NT5DC1: variants seen among roughly 807,000 people sequenced by gnomAD.
NT5DC1 encodes 5'-nucleotidase domain containing 1, also known as 5'-nucleotidase domain-containing protein 1.
In NT5DC1, 42 loss-of-function variants were observed where a neutral mutation model predicts 59.4. That is an observed-to-expected ratio of 0.71 (90% CI 0.55 to 0.92). NT5DC1 has a LOEUF of 0.92. Among genes scored for constraint, NT5DC1 ranks in the 40% least tolerant of loss-of-function variants. The pLI is 0.00. For synonymous variants in NT5DC1, 172 were observed against 188.1 expected, an observed-to-expected ratio of 0.91 and a Z score of 0.70; for missense variants, 501 against 537.1, an observed-to-expected ratio of 0.93 and a Z score of 0.66.
rs1378977488 is a variant in NT5DC1, at chr6:116,239,035, T to C, written c.1164T>C (p.Asn388=). Residue 388 remains asparagine (N), a synonymous_variant, in exon 11 of 12, where the codon AAT becomes AAC. Transcript: ENST00000319550. ...TTGATTCAGTTTTGGGACTGGAAAATACAGAAGACTCCTTGGTTTATACAT... is the reference window on the plus strand; with the variant it reads ...TTGATTCAGTTTTGGGACTGGAAAACACAGAAGACTCCTTGGTTTATACAT... ...FFIDSVLGLE[N]TEDSLVYTWS... The C allele has an allele frequency of 6.2e-7, 1 of 1,607,536 alleles. No individual in the cohort carries two copies. The highest frequency in any genetic ancestry group is 8.5e-7 in the Non-Finnish European group (1 of 1,174,210).
chr6:116,243,871 A>G, intron 11 of NT5DC1, 38 bp from the exon 12 acceptor site: 1 of 753,966 alleles, frequency 1.3e-6, no homozygotes, highest in African/African-American at 1.8e-5. Flanking sequence ...AGGCATTCAG[A>G]GACCTGTGCA....
At chr6:116,182,892 A>G (rs1335517377) in intron 6 of NT5DC1, among the ~76,000 whole-genome samples, 1 of 151,690 alleles carries the variant, frequency 6.6e-6, no homozygotes, top group African/African-American at 2.4e-5. Context: ...AGTCCCATCT[A>G]TTTATCTTTG....
chr6:116,175,367 C>T (rs1780712589), intron 6 of NT5DC1, among the ~76,000 whole-genome samples: 2 of 152,078 alleles, frequency 1.3e-5, no homozygotes, highest in African/African-American at 4.8e-5. Context: ...TTTTATATTT[C>T]CTTTTTAATA....
At position 116,123,215 on chromosome 6, in the gene NT5DC1, A is replaced by C. The variant is rs190099354; in HGVS notation, c.529+5270A>C. On this transcript the variant is annotated intron_variant, in intron 6 of 11. Coordinates refer to ENST00000319550, the MANE Select transcript of NT5DC1 (RefSeq NM_152729.3). Reference sequence around the variant, plus strand: ...TACTATTAAAAAGGAGAAACAAGTCAATGGAAATGAGTGCATTGGGCGTCA... The same window carrying C: ...TACTATTAAAAAGGAGAAACAAGTCCATGGAAATGAGTGCATTGGGCGTCA... 2.6e-3 allele frequency among the ~76,000 whole-genome samples: 396 copies of C among 152,298 alleles called. 10 individuals are homozygous for C. The South Asian group carries it at 0.043, about 17-fold the overall frequency.
chr6:116,102,900 C>G (rs923745609), intron 1 of NT5DC1, among the ~76,000 whole-genome samples: 2 of 152,226 alleles, frequency 1.3e-5, no homozygotes, highest in African/African-American at 2.4e-5. Context: ...CCAACAGTGC[C>G]TGGAGGGCCT....
chr6:116,144,695 G>A (rs1389298444), intron 6 of NT5DC1, among the ~76,000 whole-genome samples: 3 of 152,158 alleles, frequency 2.0e-5, no homozygotes, highest in Non-Finnish European at 2.9e-5. Flanking sequence ...TGGGACAACT[G>A]TTTGTTAGAC....
chr6:116,200,027 G>A (rs1204845), intron 6 of NT5DC1, among the ~76,000 whole-genome samples: 93,641 of 150,236 alleles, frequency 0.62, 31,021 homozygotes, highest in African/African-American at 0.86. Flanking sequence ...TTTGCAGTGG[G>A]GCAACCTGAC....
intron 6 of NT5DC1, among the ~76,000 whole-genome samples, chr6:116,207,247 A>G (rs1781472628): frequency 6.6e-6 from 1 of 151,982 alleles, no homozygotes; most frequent in East Asian, 1.9e-4. Context: ...CATATGTCTT[A>G]AGAAATCATG....
intron 6 of NT5DC1, among the ~76,000 whole-genome samples, chr6:116,122,870 T>C (rs956433340): frequency 1.3e-5 from 2 of 152,170 alleles, no homozygotes; most frequent in East Asian, 1.9e-4. Flanking sequence ...TTGATTAATA[T>C]AAATACATAG....
intron 6 of NT5DC1, among the ~76,000 whole-genome samples, chr6:116,178,992 T>C (rs1457542539): frequency 2.0e-5 from 3 of 152,232 alleles, no homozygotes; most frequent in African/African-American, 4.8e-5. Context: ...TCTATCCTCA[T>C]CTTCATAGTT....
chr6:116,189,223 A>G (rs1781068111), intron 6 of NT5DC1, among the ~76,000 whole-genome samples: 1 of 151,640 alleles, frequency 6.6e-6, no homozygotes, highest in South Asian at 2.1e-4. Context: ...TAAAAGTTTT[A>G]CTTCTATTTA....
At chr6:116,169,408 T>A (rs745315065) in intron 6 of NT5DC1, among the ~76,000 whole-genome samples, 34 of 152,236 alleles carry the variant, frequency 2.2e-4, no homozygotes, top group Non-Finnish European at 4.4e-4. Flanking sequence ...ATATTTTGTG[T>A]CTATGCTTAC....
chr6:116,112,700 A>C (rs1279802729), intron 4 of NT5DC1, among the ~76,000 whole-genome samples: 1 of 152,232 alleles, frequency 6.6e-6, no homozygotes, highest in Non-Finnish European at 1.5e-5. Flanking sequence ...TCACCATTAC[A>C]AACAAGCCTG....
chr6:116,150,847 A>G (rs1169196830), intron 6 of NT5DC1, among the ~76,000 whole-genome samples: 2 of 152,188 alleles, frequency 1.3e-5, no homozygotes, highest in African/African-American at 4.8e-5. Flanking sequence ...GAATTTGAGA[A>G]TGTCACATCA....
rs1367213917 is a variant in NT5DC1 at position 116,245,159 on chromosome 6, A to G, written c.*1135A>G. On this transcript the variant is annotated 3_prime_UTR_variant, in exon 12 of 12. Coordinates refer to ENST00000319550, the MANE Select transcript of NT5DC1 (RefSeq NM_152729.3). ...CTACAATCCAGGACTGTGGTGTTCTATGTGCCGTGTATGGTCATATTAGTA... is the reference window on the plus strand; with the variant it reads ...CTACAATCCAGGACTGTGGTGTTCTGTGTGCCGTGTATGGTCATATTAGTA... 2.0e-5 allele frequency: 3 copies of G among 152,294 alleles called. No homozygotes were observed. Among genetic ancestry groups the G allele is most frequent in the Non-Finnish European group, 2.9e-5 (2 of 68,014 alleles). 9.4% of individuals were successfully genotyped at this position (152,294 alleles called of 1,614,324 possible). A position where few individuals can be genotyped will look rare whatever the true frequency, so the allele number is the denominator to read the frequency against.
intron 4 of NT5DC1, among the ~76,000 whole-genome samples, chr6:116,114,205 G>A (rs762489174): frequency 1.3e-5 from 2 of 151,456 alleles, no homozygotes; most frequent in Non-Finnish European, 2.9e-5. Flanking sequence ...CTGAGAGAAT[G>A]GACACAAACT....
At chr6:116,110,778 C>T in intron 3 of NT5DC1, 72 bp from the exon 4 acceptor site, 5 of 1,073,436 alleles carry the variant, frequency 4.7e-6, no homozygotes, top group Middle Eastern at 2.0e-4. Flanking sequence ...CAGGGATCAA[C>T]AGTCACAATG....
intron 11 of NT5DC1, among the ~76,000 whole-genome samples, chr6:116,243,116 T>C (rs1418728754): frequency 6.6e-6 from 1 of 152,198 alleles, no homozygotes; most frequent in Non-Finnish European, 1.5e-5. Flanking sequence ...GTCTAGTTAA[T>C]TTTTTTGAAC....
chr6:116,223,294 A>G (rs1185243720), intron 8 of NT5DC1, among the ~76,000 whole-genome samples, 163 bp downstream of exon 8: 1 of 152,224 alleles, frequency 6.6e-6, no homozygotes, highest in Non-Finnish European at 1.5e-5. Flanking sequence ...GCTTTATATC[A>G]CAATTATTTC....
Sources: allele counts gnomAD v4.1 joint callset (sites outside exome capture counted in the v4.1 genomes callset), GRCh38; gene constraint gnomAD v4.1.1; transcripts MANE v1.5; gene names NCBI Gene and HGNC (gene_info 2026-07-23, HGNC 2026-07-21).